Variants in POLA2 observed in about 807,000 individuals in gnomAD.
POLA2 encodes the protein DNA polymerase alpha subunit B.
Under a neutral mutation model 82.8 loss-of-function variants are expected in POLA2, and 47 were observed. The observed-to-expected ratio is 0.57, with a 90% CI of 0.45 to 0.72. POLA2 has a LOEUF of 0.72. Ranked by LOEUF, POLA2 falls within the 30% of genes least tolerant of loss-of-function variation. POLA2 has a pLI of 0.00. For synonymous variants in POLA2, 287 were observed against 286.8 expected (o/e 1.00, Z -0.01); for missense variants, 634 against 728.1 (o/e 0.87, Z 1.49).
chr11:65,280,179 A>C (rs1949625532), intron 7 of POLA2, among the ~76,000 whole-genome samples: 1 of 152,266 alleles, frequency 6.6e-6, no homozygotes, highest in South Asian at 2.1e-4. Flanking sequence ...TTACATTCAA[A>C]GAATGATCAG....
chr11:65,296,290 G>T, intron 17 of POLA2: 1 of 299,238 alleles, frequency 3.3e-6, no homozygotes, highest in Admixed American at 4.3e-5. Context: ...ACCTGGGGAA[G>T]ATTTCATATG....
At chr11:65,280,704 G>C (rs892836636) in intron 7 of POLA2, 2 of 406,328 alleles carry the variant, frequency 4.9e-6, no homozygotes, top group African/African-American at 4.1e-5. Flanking sequence ...AGGACAGGGT[G>C]GGGTAGGCAT....
intron 10 of POLA2, among the ~76,000 whole-genome samples, chr11:65,286,750 A>ACG (rs1949701677): frequency 6.6e-6 from 1 of 152,212 alleles, no homozygotes; most frequent in Admixed American, 6.5e-5. Context: ...ACAATAGGAA[A>ACG]CTAACACAAC....
At chr11:65,275,419 A>C (rs1451719258) in intron 4 of POLA2, among the ~76,000 whole-genome samples, 1 of 151,994 alleles carries the variant, frequency 6.6e-6, no homozygotes, top group Admixed American at 6.5e-5. Context: ...TAACTCTTCA[A>C]GTATGAGCTC....
downstream of POLA2, among the ~76,000 whole-genome samples, chr11:65,301,456 G>C (rs1351838925): frequency 6.6e-6 from 1 of 152,114 alleles, no homozygotes; most frequent in East Asian, 1.9e-4. Flanking sequence ...GAGGGGCCTG[G>C]GTCTGTTGGG....
chr11:65,295,350 T>C (rs889322817), intron 15 of POLA2, among the ~76,000 whole-genome samples, 190 bp from the exon 16 acceptor site: 1 of 152,150 alleles, frequency 6.6e-6, no homozygotes, highest in African/African-American at 2.4e-5. Context: ...GTGTCCTGCG[T>C]CCCTCCTCAT....
chr11:65,282,650 G>T, intron 10 of POLA2, 129 bp downstream of exon 10: 1 of 776,962 alleles, frequency 1.3e-6, no homozygotes, highest in Non-Finnish European at 2.2e-6. Flanking sequence ...CAGTGAGGGC[G>T]CCACCATCAT....
rs1207324180 is a variant in POLA2 at position 65,289,791 on chromosome 11, T to G, written c.1171-8T>G. ...CCGTCTAAATCTGTCTCCTTTCCTTTCTTGCAGAATTGTCTACTGACAAGT... is the reference window on the plus strand; with the variant it reads ...CCGTCTAAATCTGTCTCCTTTCCTTGCTTGCAGAATTGTCTACTGACAAGT... On this transcript the variant is annotated splice_polypyrimidine_tract_variant and splice_region_variant and intron_variant, in intron 12 of 17. Coordinates refer to ENST00000265465, the MANE Select transcript of POLA2 (RefSeq NM_002689.4). 2 of 1,589,472 alleles carry G rather than the reference T, an allele frequency of 1.3e-6. No individual in the cohort carries two copies. The highest frequency in any genetic ancestry group is 3.3e-5 in the Admixed American group (2 of 59,726).
intron 5 of POLA2, among the ~76,000 whole-genome samples, chr11:65,278,105 T>C (rs1269343390): frequency 1.3e-5 from 2 of 152,210 alleles, no homozygotes; most frequent in African/African-American, 4.8e-5. Context: ...AATATCCATG[T>C]GTTCTTAGAG....
At chr11:65,276,980 G>A (rs552017591) in intron 5 of POLA2, among the ~76,000 whole-genome samples, 115 of 151,748 alleles carry the variant, frequency 7.6e-4, no homozygotes, top group Non-Finnish European at 1.5e-3. Flanking sequence ...TAGTAGAGAC[G>A]AGGTTTCGCC....
intron 10 of POLA2, among the ~76,000 whole-genome samples, chr11:65,283,852 CTT>C (rs1385217968): frequency 2.0e-5 from 3 of 151,892 alleles, no homozygotes; most frequent in East Asian, 3.9e-4. Flanking sequence ...GTTTGACAAA[CTT>C]TGCTTCTAAA....
intron 17 of POLA2, chr11:65,296,200 C>T: frequency 1.8e-6 from 1 of 541,574 alleles, no homozygotes; most frequent in South Asian, 2.0e-5. Context: ...AGTGTCCTCT[C>T]CTCCCTCCCC....
At chr11:65,264,190 C>T (rs1165882437) in intron 1 of POLA2, among the ~76,000 whole-genome samples, 1 of 152,148 alleles carries the variant, frequency 6.6e-6, no homozygotes, top group Non-Finnish European at 1.5e-5. Context: ...GCCTCAGCCT[C>T]CCGAGTAGCT....
chr11:65,301,959 C>A (rs984487484), downstream of POLA2, among the ~76,000 whole-genome samples: 1 of 152,172 alleles, frequency 6.6e-6, no homozygotes, highest in Admixed American at 6.5e-5. Flanking sequence ...GCTGGACTGC[C>A]GCTGGCTCTG....
At chr11:65,265,338 ACCAGTGAC>A (rs1311178052) in intron 1 of POLA2, among the ~76,000 whole-genome samples, 1 of 152,100 alleles carries the variant, frequency 6.6e-6, no homozygotes, top group Non-Finnish European at 1.5e-5. Flanking sequence ...ACTCAAGGTC[ACCAGTGAC>A]CTTCACCATG....
At chr11:65,282,411 C>A in intron 9 of POLA2, 68 bp from the exon 10 acceptor site, 1 of 1,355,712 alleles carries the variant, frequency 7.4e-7, no homozygotes, top group South Asian at 1.2e-5. Context: ...CAACCTGGTG[C>A]CCTCCCCTTT....
intron 1 of POLA2, chr11:65,266,350 A>G (rs1275629640): frequency 2.0e-6 from 1 of 502,056 alleles, no homozygotes; most frequent in Admixed American, 3.2e-5. Context: ...GGGCTTTTCC[A>G]TGATTCTTTA....
At chr11:65,302,005 C>G (rs1301578210), downstream of POLA2, among the ~76,000 whole-genome samples, 1 of 152,172 alleles carries the variant, frequency 6.6e-6, no homozygotes, top group Non-Finnish European at 1.5e-5. Flanking sequence ...TCCCGGGGCT[C>G]TAGGCTCCTC....
chr11:65,281,872 C>T (rs1949645355), intron 9 of POLA2, 140 bp downstream of exon 9: 1 of 702,698 alleles, frequency 1.4e-6, no homozygotes, highest in Admixed American at 2.2e-5. Context: ...GGAACCCACC[C>T]CTAGGCCAGG....
Sources: gnomAD v4.1 joint callset for allele counts (sites outside exome capture counted in the v4.1 genomes callset) on GRCh38, gnomAD v4.1.1 for gene constraint, MANE v1.5 for transcripts, NCBI Gene and HGNC (gene_info 2026-07-23, HGNC 2026-07-21) for gene names.